The following PITPNM1 variants were observed in gnomAD, a reference collection of about 807,000 sequenced individuals.
The protein encoded by PITPNM1 is phosphatidylinositol transfer protein membrane associated 1.
Under a neutral mutation model 133.3 loss-of-function variants are expected in PITPNM1, and 74 were observed. The ratio of observed to expected loss-of-function variants is 0.56; its 90% CI spans 0.46 to 0.67. PITPNM1 has a LOEUF of 0.67. PITPNM1 is among the 30% of genes least tolerant of loss of function. PITPNM1 has a pLI of 0.00. For missense variants in PITPNM1, 1,398 were observed against 1,739.5 expected (o/e 0.80, Z 3.49); for synonymous variants, 738 against 741.4 (o/e 1.00, Z 0.08).
Position 67,504,077 on chromosome 11 carries a change from G to T in PITPNM1, c.78+26C>A. 1.3e-6 allele frequency: 2 copies of T among 1,560,028 alleles called. No homozygotes were observed. Among genetic ancestry groups the T allele is most frequent in the East Asian group, 2.3e-5 (1 of 42,796 alleles). ...GTCGGCAGGGCTCCACCCCTTGCCC[G>T]GGTGCCCTCTCCCCGCCGCCCTCAC... On this transcript the variant is annotated intron_variant, in intron 2 of 23. Transcript: ENST00000356404. This position sits in a 1 kb window ranked among gnomAD's most constrained non-coding sequence, Gnocchi z 5.4.
chr11:67,504,019 A>T lies in PITPNM1; in HGVS notation c.78+84T>A, dbSNP rs562051505. 144 of 1,076,788 alleles carry T rather than the reference A, an allele frequency of 1.3e-4. No individual in the cohort carries two copies. In the African/African-American group the frequency reaches 2.1e-3, roughly 16 times the overall value. The allele number at this position is 1,076,788 out of a possible 1,614,324, so 66.7% of individuals were successfully genotyped here. ...CCTCTCTTGCCTCCTCCGGGCTCCC[A>T]GCCGGTCCCAGCCCCGGGGCAGGGC... is the stretch of plus-strand genomic sequence containing the variant. On this transcript the variant is annotated intron_variant, in intron 2 of 23. Coordinates refer to ENST00000356404, the MANE Select transcript of PITPNM1 (RefSeq NM_004910.3). This position sits in a 1 kb window ranked among gnomAD's most constrained non-coding sequence, Gnocchi z 5.4.
At chr11:67,505,915 A>G (rs1449945125), upstream of PITPNM1, among the ~76,000 whole-genome samples, 1 of 152,154 alleles carries the variant, frequency 6.6e-6, no homozygotes, top group Non-Finnish European at 1.5e-5. The surrounding 1 kb of genome is among the most constrained non-coding windows in gnomAD (Gnocchi z 5.8). Flanking sequence ...TTCCGGGTCC[A>G]CAAGTCCGGT....
At position 67,499,840 on chromosome 11, in the gene PITPNM1, CAG is replaced by C. The variant is rs1469203036; in HGVS notation, c.1064-12_1064-11del. ...CTGTCCGAGAAGCCTTCTGAGGGGA[CAG>C]GGGGCTGTGTCATGGGGTGGGAGGA... is the stretch of plus-strand genomic sequence containing the variant. On this transcript the variant is annotated splice_polypyrimidine_tract_variant and intron_variant, in intron 7 of 23. Coordinates refer to ENST00000356404, the MANE Select transcript of PITPNM1 (RefSeq NM_004910.3). 1.6e-5 allele frequency: 25 copies of C among 1,585,098 alleles called. No individual in the cohort carries two copies. The highest frequency in any genetic ancestry group is 2.1e-5 in the Non-Finnish European group (24 of 1,158,818).
At chr11:67,505,812 C>G (rs1866491661), upstream of PITPNM1, among the ~76,000 whole-genome samples, 1 of 152,230 alleles carries the variant, frequency 6.6e-6, no homozygotes, top group African/African-American at 2.4e-5. This position sits in a 1 kb window ranked among gnomAD's most constrained non-coding sequence, Gnocchi z 5.8. Flanking sequence ...CCTCTATGGT[C>G]ACCCAGCTAC....
At chr11:67,499,369 C>T (rs553099287) in intron 8 of PITPNM1, among the ~76,000 whole-genome samples, 209 of 151,818 alleles carry the variant, frequency 1.4e-3, no homozygotes, top group Non-Finnish European at 2.5e-3. Flanking sequence ...TGCCTGGGAG[C>T]CAGTGTGGCT....
Position 67,498,119 on chromosome 11 carries a change from C to A in PITPNM1, c.1674+14G>T. 6.2e-7 allele frequency: 1 copy of A among 1,611,746 alleles called. No homozygotes were observed. The highest frequency in any genetic ancestry group is 1.1e-5 in the South Asian group (1 of 91,044). On this transcript the variant is annotated intron_variant, in intron 11 of 23. Coordinates refer to ENST00000356404, the MANE Select transcript of PITPNM1 (RefSeq NM_004910.3). This position sits in a 1 kb window ranked among gnomAD's most constrained non-coding sequence, Gnocchi z 5.7. The stretch of plus-strand genomic sequence containing the variant: ...CAGTGGAGGGCAGCAGATGGACTGT[C>A]CCTAACCGCTGACCTGCCCACAGAA...
rs1188489282 is a variant in PITPNM1, at chr11:67,495,596, G to A, written c.2324C>T (p.Thr775Ile). The stretch of plus-strand genomic sequence containing the variant: ...AAAGAGGCTGGAGTGCGTCTGCAGA[G>A]TGTCGGCTGGGGGAAGGAGGGCAAG... ...GDGSSLLLADTLQTHSSLFLE... is the reference protein window; with the variant it reads ...GDGSSLLLADILQTHSSLFLE... Residue 775 changes from threonine (T) to isoleucine (I), a missense_variant, in exon 16 of 24, where the codon ACT becomes ATT. Transcript: ENST00000356404. 2 of 1,568,626 alleles carry A rather than the reference G, an allele frequency of 1.3e-6. No individual in the cohort carries two copies. Among genetic ancestry groups the A allele is most frequent in the Admixed American group, 2.1e-5 (1 of 47,904 alleles).
rs1204847150 is a variant in PITPNM1, at chr11:67,495,243, C to T, written c.2483-18G>A. ...CTCCAGGACTGCGCGGCCATGGCAG[C>T]GAGTCAGGATGGCCTCCTGCCCCAC... On this transcript the variant is annotated intron_variant, in intron 16 of 23. Transcript: ENST00000356404. 2.6e-6 allele frequency: 4 copies of T among 1,567,504 alleles called. No individual in the cohort carries two copies. The highest frequency in any genetic ancestry group is 4.5e-5 in the East Asian group (2 of 44,120).
intron 22 of PITPNM1, 149 bp downstream of exon 22, chr11:67,493,261 A>G: frequency 9.3e-7 from 1 of 1,073,330 alleles, no homozygotes; most frequent in Non-Finnish European, 1.3e-6. Context: ...CCCTCAAACT[A>G]GGGGAGCAGG....
intron 12 of PITPNM1, 99 bp downstream of exon 12, chr11:67,497,818 G>A: frequency 6.9e-7 from 1 of 1,454,266 alleles, no homozygotes; most frequent in Non-Finnish European, 9.5e-7. Context: ...GCAGCAGGGG[G>A]CCTGCCTGCT....
Position 67,498,162 on chromosome 11 carries a change from A to G in PITPNM1, c.1645T>C (p.Ser549Pro). 6.2e-7 allele frequency: 1 copy of G among 1,613,062 alleles called. No homozygotes were observed. The highest frequency in any genetic ancestry group is 8.5e-7 in the Non-Finnish European group (1 of 1,179,958). Residue 549 changes from serine to proline, a missense_variant, in exon 11 of 24, where the codon TCA becomes CCA. Coordinates refer to ENST00000356404, the MANE Select transcript of PITPNM1 (RefSeq NM_004910.3). This position sits in a 1 kb window ranked among gnomAD's most constrained non-coding sequence, Gnocchi z 5.7. ...CCACAGAAGCCGGCACCCTCAGGTG[A>G]GCGCAGGAAGGCTGAGTAGGCCTGG... Reference protein sequence around the residue: ...TNQAYSAFLRSPEGAGFCGQV... With the variant: ...TNQAYSAFLRPPEGAGFCGQV...
At position 67,504,435 on chromosome 11, in the gene PITPNM1, C is replaced by A. The variant is rs1251435939; in HGVS notation, c.-41-214G>T. On this transcript the variant is annotated intron_variant, in intron 1 of 23. Transcript: ENST00000356404. This position sits in a 1 kb window ranked among gnomAD's most constrained non-coding sequence, Gnocchi z 5.4. The stretch of plus-strand genomic sequence containing the variant: ...TCTTTTCCGCGCAGCCCCCGCCCCC[C>A]GCCCGCCCGTCGCCATGGCAACCGC... The A allele has an allele frequency of 1.8e-5, 3 of 169,430 alleles. No individual in the cohort carries two copies. Among genetic ancestry groups the A allele is most frequent in the Non-Finnish European group, 2.5e-5 (2 of 79,604 alleles). The allele number at this position is 169,430 out of a possible 1,614,324, so 10.5% of individuals were successfully genotyped here. A position where few individuals can be genotyped will look rare whatever the true frequency, so the allele number is the denominator to read the frequency against.
At position 67,497,163 on chromosome 11, in the gene PITPNM1, G is replaced by T. The variant is rs550237204; in HGVS notation, c.2146+68C>A. 5.3e-6 allele frequency: 7 copies of T among 1,323,854 alleles called. No homozygotes were observed. The Admixed American group carries it at 7.1e-5, about 13-fold the overall frequency. 82.0% of individuals were successfully genotyped at this position (1,323,854 alleles called of 1,614,324 possible). ...GCTCATGCCTCGGATGAGAGGGAAG[G>T]CCAGAGGAGGTGGGGAAGGAAGGGG... is the stretch of plus-strand genomic sequence containing the variant. On this transcript the variant is annotated intron_variant, in intron 14 of 23. Coordinates refer to ENST00000356404, the MANE Select transcript of PITPNM1 (RefSeq NM_004910.3).
Position 67,492,242 on chromosome 11 carries a change from A to G in PITPNM1, c.3526T>C (p.Ser1176Pro). 1.2e-6 allele frequency: 2 copies of G among 1,601,488 alleles called. No individual in the cohort carries two copies. The highest frequency in any genetic ancestry group is 1.7e-6 in the Non-Finnish European group (2 of 1,172,650). The change falls in exon 24 of 24, where the codon TCG becomes CCG. Residue 1176 changes from serine (S) to proline (P), a missense_variant. Physicochemically the swap from Ser to Pro is moderately conservative, Grantham distance 74. Transcript: ENST00000356404. ...HLGQLEAGSH[S>P]HASSGPPRAA... The stretch of plus-strand genomic sequence containing the variant: ...CTCGGGGGTCCCGAGGAGGCATGCG[A>G]GTGCGAGCCCGCTTCCAGCTGGCCC...
Position 67,494,159 on chromosome 11 carries a change from G to A in PITPNM1, c.2859+85C>T, listed in dbSNP as rs200449820. 71 of 1,571,956 alleles carry A rather than the reference G, an allele frequency of 4.5e-5. 1 individual carries two copies. In the Middle Eastern group the frequency reaches 2.7e-3, roughly 59 times the overall value. On this transcript the variant is annotated intron_variant, in intron 19 of 23. Transcript: ENST00000356404. The stretch of plus-strand genomic sequence containing the variant: ...TGTCGTCGGGGATGGGTGGGTCTAG[G>A]GGCACAACCACCAGGGACCAGGAGC...
rs570418791 is a variant in PITPNM1 at position 67,504,244 on chromosome 11, A to G, written c.-41-23T>C. On this transcript the variant is annotated intron_variant, in intron 1 of 23. Transcript: ENST00000356404. This position sits in a 1 kb window ranked among gnomAD's most constrained non-coding sequence, Gnocchi z 5.4. ...CTCCTGGCGCAGGGCACGGCGCGACAGTCAGTGCGGGGAGGCTGCGCGCGG... is the reference window on the plus strand; with the variant it reads ...CTCCTGGCGCAGGGCACGGCGCGACGGTCAGTGCGGGGAGGCTGCGCGCGG... 1.9e-3 allele frequency: 2,327 copies of G among 1,255,964 alleles called. 3 individuals carry two copies. The highest frequency in any genetic ancestry group is 2.4e-3 in the Non-Finnish European group (2,183 of 915,862). 77.8% of individuals were successfully genotyped at this position (1,255,964 alleles called of 1,614,324 possible). A position where few individuals can be genotyped will look rare whatever the true frequency, so the allele number is the denominator to read the frequency against.
At chr11:67,503,685 C>T (rs1866404094) in intron 2 of PITPNM1, among the ~76,000 whole-genome samples, 1 of 152,196 alleles carries the variant, frequency 6.6e-6, no homozygotes, top group African/African-American at 2.4e-5. Context: ...CCTCCTCGCC[C>T]TCCCATCCTT....
Position 67,492,036 on chromosome 11 carries a change from C to T in PITPNM1, c.3732G>A (p.Glu1244=). Reference sequence around the variant, plus strand: ...CAGGTCCAGGCTGGTGTGGGCCTCACTCCTCGCTGTCCAGCTTCAGGCTGA... The same window carrying T: ...CAGGTCCAGGCTGGTGTGGGCCTCATTCCTCGCTGTCCAGCTTCAGGCTGA... ...RSISLKLDSE[E] Residue 1244 remains glutamate (E), a synonymous_variant, in exon 24 of 24, where the codon GAG becomes GAA. Transcript: ENST00000356404. 1.2e-6 allele frequency: 2 copies of T among 1,612,020 alleles called. No individual in the cohort carries two copies. The highest frequency in any genetic ancestry group is 1.7e-6 in the Non-Finnish European group (2 of 1,179,572).
At chr11:67,500,790 A>G (rs1201291573) in intron 5 of PITPNM1, among the ~76,000 whole-genome samples, 1 of 152,228 alleles carries the variant, frequency 6.6e-6, no homozygotes. Flanking sequence ...GTTGATGGTT[A>G]ATGAAGGTGT....
Sources: allele counts gnomAD v4.1 joint callset (sites outside exome capture counted in the v4.1 genomes callset), GRCh38; gene constraint gnomAD v4.1.1; non-coding constraint Gnocchi (gnomAD v3.1); transcripts MANE v1.5; gene names NCBI Gene and HGNC (gene_info 2026-07-23, HGNC 2026-07-21).